TMEM132B: variants seen among roughly 807,000 people sequenced by gnomAD.
TMEM132B encodes transmembrane protein 132B.
A neutral mutation model predicts 90.8 loss-of-function variants in TMEM132B; 18 were observed. The ratio of observed to expected loss-of-function variants is 0.20; its 90% confidence interval spans 0.14 to 0.29. TMEM132B has a LOEUF of 0.29. TMEM132B is among the 10% of genes least tolerant of loss of function. The pLI is 1.00. For synonymous variants in TMEM132B, 504 were observed against 523.3 expected, an observed-to-expected ratio of 0.96 and a Z score of 0.50; for missense variants, 1,096 against 1,326.8, an observed-to-expected ratio of 0.83 and a Z score of 2.70.
At chr12:125,401,299 G>A (rs1879314191) in intron 2 of TMEM132B, among the ~76,000 whole-genome samples, 1 of 152,126 alleles carries the variant, frequency 6.6e-6, no homozygotes, top group Non-Finnish European at 1.5e-5. Flanking sequence ...CAGAAACTGC[G>A]GAATCTTTGC....
At chr12:125,613,863 G>T (rs372893974) in intron 5 of TMEM132B, among the ~76,000 whole-genome samples, 2 of 151,934 alleles carry the variant, frequency 1.3e-5, no homozygotes, top group East Asian at 1.9e-4. Context: ...ACCATTTCTG[G>T]CTTGCTCATT....
chr12:125,387,211 T>C (rs1878866204), intron 2 of TMEM132B, among the ~76,000 whole-genome samples: 2 of 152,070 alleles, frequency 1.3e-5, no homozygotes, highest in Non-Finnish European at 2.9e-5. Flanking sequence ...AGGAAGTCTC[T>C]CTTCTGAAAA....
Position 125,322,284 on chromosome 12 carries a change from G to C in TMEM132B, c.68-27168G>C, listed in dbSNP as rs375730680. ...CACTCTCTTGCCTGCCGCCATGTAA[G>C]ATGTGCCTTTGTTCCTCCTTCACCT... On this transcript the variant is annotated intron_variant, in intron 1 of 8. Transcript: ENST00000682704. Among the ~76,000 whole-genome samples the C allele has an allele frequency of 9.2e-5, 14 of 152,376 alleles. No individual in the cohort carries two copies. In the East Asian group the frequency reaches 2.7e-3, roughly 29 times the overall value.
chr12:125,521,286 C>T (rs1883300112), intron 4 of TMEM132B, among the ~76,000 whole-genome samples: 1 of 152,026 alleles, frequency 6.6e-6, no homozygotes, highest in South Asian at 2.1e-4. Context: ...CTTCTTTCTC[C>T]TTCTCCTTCT....
chr12:125,312,886 T>A (rs998149002), intron 1 of TMEM132B, among the ~76,000 whole-genome samples: 4 of 152,188 alleles, frequency 2.6e-5, no homozygotes, highest in African/African-American at 9.7e-5. Flanking sequence ...CCATCCCTAA[T>A]GAATATACCC....
chr12:125,431,825 AG>A (rs1390451763), intron 3 of TMEM132B, among the ~76,000 whole-genome samples: 1 of 152,134 alleles, frequency 6.6e-6, no homozygotes, highest in Non-Finnish European at 1.5e-5. Context: ...GCAATGCAGA[AG>A]GCTCGTGGTG....
At chr12:125,640,808 T>C (rs1886611211) in intron 5 of TMEM132B, among the ~76,000 whole-genome samples, 1 of 151,530 alleles carries the variant, frequency 6.6e-6, no homozygotes, top group Admixed American at 6.6e-5. Flanking sequence ...GAAAGGAGAG[T>C]GTTGCGGCAA....
intron 4 of TMEM132B, among the ~76,000 whole-genome samples, chr12:125,527,597 T>TCCACCC (rs1883525578): frequency 2.2e-5 from 1 of 44,646 alleles, no homozygotes; most frequent in Non-Finnish European, 4.6e-5. Context: ...TTTACCCTTC[T>TCCACCC]ATCCACCCAT....
At chr12:125,256,530 T>C (rs1468024674) in intron 1 of TMEM132B, among the ~76,000 whole-genome samples, 1 of 152,212 alleles carries the variant, frequency 6.6e-6, no homozygotes, top group Non-Finnish European at 1.5e-5. Context: ...CATTTACATA[T>C]TATCTGCAGC....
intron 3 of TMEM132B, among the ~76,000 whole-genome samples, chr12:125,453,076 A>AACAC (rs60350192): frequency 0.01 from 1,445 of 143,754 alleles, 4 homozygotes; most frequent in Middle Eastern, 0.031. Flanking sequence ...ATTTCAGTAA[A>AACAC]ACACACACAC....
chr12:125,594,438 C>CT (rs1158609162), intron 5 of TMEM132B, among the ~76,000 whole-genome samples: 1 of 152,166 alleles, frequency 6.6e-6, no homozygotes, highest in East Asian at 1.9e-4. Flanking sequence ...GTATTTTTAA[C>CT]TTTTTAAGAA....
intron 3 of TMEM132B, among the ~76,000 whole-genome samples, chr12:125,500,859 G>T (rs1882678663): frequency 6.6e-6 from 1 of 152,130 alleles, no homozygotes; most frequent in African/African-American, 2.4e-5. Context: ...GATCTCCCTT[G>T]TGCTATTGAG....
At chr12:125,572,099 C>T (rs567147817) in intron 4 of TMEM132B, among the ~76,000 whole-genome samples, 15 of 152,266 alleles carry the variant, frequency 9.9e-5, no homozygotes, top group South Asian at 8.3e-4. Context: ...TTATTAGATT[C>T]AGTTTACATG....
chr12:125,358,185 A>G (rs1305272437), intron 2 of TMEM132B, among the ~76,000 whole-genome samples: 1 of 152,166 alleles, frequency 6.6e-6, no homozygotes, highest in African/African-American at 2.4e-5. Context: ...ATAGAAATAC[A>G]CACAATTGAA....
chr12:125,329,018 C>T (rs1181278221), intron 1 of TMEM132B, among the ~76,000 whole-genome samples: 1 of 152,156 alleles, frequency 6.6e-6, no homozygotes, highest in African/African-American at 2.4e-5. Flanking sequence ...CATTCTCCCC[C>T]ACCCCCAAAT....
At chr12:125,187,340 T>C (rs1222646865) in intron 1 of TMEM132B, among the ~76,000 whole-genome samples, 1 of 152,182 alleles carries the variant, frequency 6.6e-6, no homozygotes, top group East Asian at 1.9e-4. Flanking sequence ...CGGCCGGCGC[T>C]GTCTGGCTTG....
chr12:125,244,484 G>A (rs553244298), intron 1 of TMEM132B, among the ~76,000 whole-genome samples: 21 of 152,290 alleles, frequency 1.4e-4, no homozygotes, highest in Middle Eastern at 3.4e-3. Context: ...CCCAGACCCC[G>A]CTGATGTGGG....
chr12:125,371,399 G>C (rs745973603), intron 2 of TMEM132B, among the ~76,000 whole-genome samples: 1 of 152,176 alleles, frequency 6.6e-6, no homozygotes, highest in Non-Finnish European at 1.5e-5. Context: ...GAGGGCATCC[G>C]AGGGACCCGG....
chr12:125,409,640 G>GTGGAGT (rs1402327430), intron 2 of TMEM132B, among the ~76,000 whole-genome samples: 1 of 60,200 alleles, frequency 1.7e-5, no homozygotes, highest in African/African-American at 6.6e-5. Flanking sequence ...GTGGAGTGGA[G>GTGGAGT]GAGTGGAGTG....
Sources: allele counts gnomAD v4.1 joint callset (sites outside exome capture counted in the v4.1 genomes callset), GRCh38; gene constraint gnomAD v4.1.1; transcripts MANE v1.5; gene names NCBI Gene and HGNC (gene_info 2026-07-23, HGNC 2026-07-21).